RSU1: variants seen among roughly 807,000 people sequenced by gnomAD.
RSU1 encodes Ras suppressor protein 1, also known as rsu-1.
RSU1 carries 26 observed loss-of-function variants against 31.1 expected under a neutral mutation model. That is an observed-to-expected ratio of 0.84 (90% CI 0.61 to 1.16). The LOEUF is 1.16. Ranked by LOEUF, RSU1 falls within the 50% of genes most tolerant of loss-of-function variation. The pLI, the probability that RSU1 is intolerant of heterozygous loss-of-function variation, is 0.00. For synonymous variants in RSU1, 164 were observed against 136.3 expected (o/e 1.20, Z -1.41); for missense variants, 320 against 339.1 (o/e 0.94, Z 0.44).
chr10:16,774,145 G>A (rs926536196), intron 3 of RSU1, among the ~76,000 whole-genome samples: 4 of 151,106 alleles, frequency 2.6e-5, no homozygotes, highest in African/African-American at 9.7e-5. Flanking sequence ...CACACGTTCT[G>A]TTCAACCCTG....
chr10:16,685,528 C>G (rs1835425321), intron 8 of RSU1, among the ~76,000 whole-genome samples: 1 of 151,936 alleles, frequency 6.6e-6, no homozygotes, highest in Non-Finnish European at 1.5e-5. Flanking sequence ...CCTCTCCTTT[C>G]TAGACCATAT....
intron 8 of RSU1, among the ~76,000 whole-genome samples, chr10:16,658,897 G>A (rs946492006): frequency 1.3e-5 from 2 of 152,106 alleles, no homozygotes; most frequent in African/African-American, 2.4e-5. Flanking sequence ...CTGTGGCTCC[G>A]TATCCTTGCC....
At chr10:16,683,649 AT>A (rs1179167324) in intron 8 of RSU1, among the ~76,000 whole-genome samples, 1 of 152,206 alleles carries the variant, frequency 6.6e-6, no homozygotes, top group African/African-American at 2.4e-5. Context: ...TCTGTAAAAT[AT>A]TTGGAGAGAT....
intron 8 of RSU1, among the ~76,000 whole-genome samples, chr10:16,692,328 C>A (rs1835575299): frequency 6.6e-6 from 1 of 152,164 alleles, no homozygotes. Context: ...TGAGGTAATA[C>A]AAAATCCAGA....
At chr10:16,618,835 G>A (rs1455641358) in intron 8 of RSU1, among the ~76,000 whole-genome samples, 1 of 152,110 alleles carries the variant, frequency 6.6e-6, no homozygotes, top group African/African-American at 2.4e-5. Flanking sequence ...GGTGGGGTAG[G>A]GGACAAGGAA....
At chr10:16,807,039 G>T (rs547057196) in intron 2 of RSU1, among the ~76,000 whole-genome samples, 1 of 152,104 alleles carries the variant, frequency 6.6e-6, no homozygotes. Flanking sequence ...ATTACAGCAG[G>T]CATGAGTCAG....
chr10:16,807,839 C>T (rs1466057671), intron 2 of RSU1, among the ~76,000 whole-genome samples: 2 of 151,850 alleles, frequency 1.3e-5, no homozygotes, highest in Non-Finnish European at 1.5e-5. Flanking sequence ...CTGGCTAACA[C>T]GGTGAAATCC....
intron 8 of RSU1, among the ~76,000 whole-genome samples, chr10:16,648,137 T>TA (rs1834608263): frequency 1.5e-5 from 2 of 137,750 alleles, no homozygotes; most frequent in African/African-American, 7.1e-5. Context: ...AAAAAATTTT[T>TA]TTTTTTTTTT....
intron 8 of RSU1, among the ~76,000 whole-genome samples, chr10:16,673,448 CACTT>C (rs2131540692): frequency 6.6e-6 from 1 of 151,426 alleles, no homozygotes; most frequent in East Asian, 1.9e-4. Flanking sequence ...TTCTCCTCAA[CACTT>C]AATTAACAAT....
chr10:16,798,325 A>T (rs1040629210), intron 2 of RSU1, among the ~76,000 whole-genome samples: 1 of 152,230 alleles, frequency 6.6e-6, no homozygotes, highest in African/African-American at 2.4e-5. Context: ...AAGGTATTTA[A>T]AAGTTCTGAT....
intron 3 of RSU1, among the ~76,000 whole-genome samples, chr10:16,780,168 T>G (rs375845884): frequency 6.6e-6 from 1 of 152,226 alleles, no homozygotes; most frequent in East Asian, 1.9e-4. Context: ...GATTTCTATC[T>G]TTGTGAAGAT....
chr10:16,663,487 G>C (rs1178604769), intron 8 of RSU1, among the ~76,000 whole-genome samples: 1 of 152,106 alleles, frequency 6.6e-6, no homozygotes, highest in Non-Finnish European at 1.5e-5. Context: ...TTGATAATGG[G>C]TTAAAAATAT....
intron 8 of RSU1, among the ~76,000 whole-genome samples, chr10:16,641,103 C>A (rs1325360428): frequency 3.3e-5 from 5 of 152,158 alleles, no homozygotes; most frequent in Non-Finnish European, 7.3e-5. Context: ...TCCACCATGG[C>A]ACACGTTTAC....
chr10:16,749,567 C>A (rs1836930736), intron 7 of RSU1, among the ~76,000 whole-genome samples: 1 of 152,148 alleles, frequency 6.6e-6, no homozygotes, highest in Non-Finnish European at 1.5e-5. Context: ...CCCAGCACTG[C>A]CCATCAGCCA....
intron 8 of RSU1, among the ~76,000 whole-genome samples, chr10:16,654,899 A>T (rs1043518335): frequency 6.6e-6 from 1 of 151,484 alleles, no homozygotes; most frequent in African/African-American, 2.4e-5. Flanking sequence ...TTTCTACAAA[A>T]ATTTTTTTTT....
chr10:16,736,664 G>T (rs1382511183), intron 7 of RSU1, among the ~76,000 whole-genome samples: 1 of 151,850 alleles, frequency 6.6e-6, no homozygotes, highest in Non-Finnish European at 1.5e-5. Flanking sequence ...CAGAAAACTA[G>T]ACATTCAGAG....
At chr10:16,785,768 A>AT (rs1003602312) in intron 2 of RSU1, among the ~76,000 whole-genome samples, 2 of 151,674 alleles carry the variant, frequency 1.3e-5, no homozygotes, top group Non-Finnish European at 2.9e-5. Flanking sequence ...CACGACTTCC[A>AT]TTTATCCCAT....
At chr10:16,732,971 T>C (rs1010402772) in intron 7 of RSU1, among the ~76,000 whole-genome samples, 4 of 152,162 alleles carry the variant, frequency 2.6e-5, no homozygotes, top group Non-Finnish European at 5.9e-5. Flanking sequence ...TTTGACAGGT[T>C]ACTCTAAGCT....
At chr10:16,676,256 G>C (rs906219248) in intron 8 of RSU1, among the ~76,000 whole-genome samples, 1 of 152,158 alleles carries the variant, frequency 6.6e-6, no homozygotes, top group Non-Finnish European at 1.5e-5. Context: ...AGAAAAAGAG[G>C]CTTAATGGAC....
Sources: gnomAD v4.1 joint callset for allele counts (sites outside exome capture counted in the v4.1 genomes callset) on GRCh38, gnomAD v4.1.1 for gene constraint, MANE v1.5 for transcripts, NCBI Gene and HGNC (gene_info 2026-07-23, HGNC 2026-07-21) for gene names.